Variants in ATRNL1 observed in about 807,000 individuals in gnomAD.
ATRNL1 encodes attractin like 1.
Under a neutral mutation model 182.7 loss-of-function variants are expected in ATRNL1, and 95 were observed. The observed-to-expected ratio is 0.52, with a 90% CI of 0.44 to 0.62. ATRNL1 has a LOEUF of 0.62. Ranked by LOEUF, ATRNL1 falls within the 20% of genes least tolerant of loss-of-function variation. The pLI is 0.00. For synonymous variants in ATRNL1, 576 were observed against 568.3 expected (o/e 1.01, Z -0.19); for missense variants, 1,471 against 1,679.5 (o/e 0.88, Z 2.17).
At chr10:115,728,394 G>GT (rs1323083242) in intron 27 of ATRNL1, among the ~76,000 whole-genome samples, 7 of 148,262 alleles carry the variant, frequency 4.7e-5, no homozygotes, top group Admixed American at 4.7e-4. Context: ...TTAATTGTAT[G>GT]TTTATTACTT....
At chr10:115,883,333 G>A (rs747152334) in intron 28 of ATRNL1, among the ~76,000 whole-genome samples, 1 of 152,240 alleles carries the variant, frequency 6.6e-6, no homozygotes, top group Non-Finnish European at 1.5e-5. Context: ...TTGTGCATAT[G>A]AGTGAATGAG....
chr10:115,384,892 T>C (rs1858246654), intron 19 of ATRNL1, among the ~76,000 whole-genome samples: 1 of 152,106 alleles, frequency 6.6e-6, no homozygotes, highest in South Asian at 2.1e-4. Context: ...TGTCTGGATA[T>C]ACCACATTTT....
intron 26 of ATRNL1, among the ~76,000 whole-genome samples, chr10:115,605,102 A>G (rs775012006): frequency 4.6e-5 from 7 of 152,178 alleles, no homozygotes; most frequent in South Asian, 2.1e-4. Context: ...TACCAAATAC[A>G]GATTATATAT....
chr10:115,930,673 A>T (rs536478338), intron 28 of ATRNL1, among the ~76,000 whole-genome samples: 1 of 152,218 alleles, frequency 6.6e-6, no homozygotes, highest in South Asian at 2.1e-4. Flanking sequence ...AACATTTTTT[A>T]AAATCTCGTA....
chr10:115,110,496 C>T (rs1224950163), intron 1 of ATRNL1, among the ~76,000 whole-genome samples: 3 of 152,156 alleles, frequency 2.0e-5, no homozygotes, highest in Non-Finnish European at 2.9e-5. Context: ...GAACTGAATT[C>T]TACCAACAGT....
At chr10:115,495,713 T>A (rs552883078) in intron 24 of ATRNL1, among the ~76,000 whole-genome samples, 163 of 148,796 alleles carry the variant, frequency 1.1e-3, no homozygotes, top group South Asian at 3.2e-3. Flanking sequence ...TTTTTTTTTT[T>A]AATTTGCTGA....
At chr10:115,510,042 T>G (rs1222402819) in intron 24 of ATRNL1, among the ~76,000 whole-genome samples, 1 of 152,134 alleles carries the variant, frequency 6.6e-6, no homozygotes, top group East Asian at 1.9e-4. Flanking sequence ...GTGGTAGAGA[T>G]AGCATGAGTA....
chr10:115,177,889 G>T (rs1379314818), intron 8 of ATRNL1, among the ~76,000 whole-genome samples: 60 of 112,864 alleles, frequency 5.3e-4, no homozygotes, highest in East Asian at 1.0e-3. Flanking sequence ...TTTTTTTTTT[G>T]GTTTTGTTTT....
chr10:115,675,319 G>A (rs1945826472), intron 26 of ATRNL1, among the ~76,000 whole-genome samples: 1 of 152,058 alleles, frequency 6.6e-6, no homozygotes, highest in Non-Finnish European at 1.5e-5. Context: ...CTATGATTGT[G>A]CGACTGCACA....
At chr10:115,276,892 CTA>C (rs1852129639) in intron 13 of ATRNL1, among the ~76,000 whole-genome samples, 1 of 152,014 alleles carries the variant, frequency 6.6e-6, no homozygotes, top group Admixed American at 6.6e-5. Flanking sequence ...CAATAAATGA[CTA>C]TATTTTTCTT....
chr10:115,384,128 C>G (rs895861075), intron 19 of ATRNL1, among the ~76,000 whole-genome samples: 3 of 151,916 alleles, frequency 2.0e-5, no homozygotes, highest in Non-Finnish European at 4.4e-5. Flanking sequence ...CTAAAAGATG[C>G]AAAACCTATG....
At chr10:115,334,865 A>G (rs1167270900) in intron 19 of ATRNL1, among the ~76,000 whole-genome samples, 1 of 152,130 alleles carries the variant, frequency 6.6e-6, no homozygotes, top group Non-Finnish European at 1.5e-5. Flanking sequence ...TGGGTTTGGA[A>G]CCAAATCTGG....
At chr10:115,758,778 G>T (rs1161455696) in intron 27 of ATRNL1, among the ~76,000 whole-genome samples, 1 of 152,190 alleles carries the variant, frequency 6.6e-6, no homozygotes, top group African/African-American at 2.4e-5. Context: ...AGTGGGCTCC[G>T]CCCAGTTCGA....
At chr10:115,394,982 G>A (rs1337828146) in intron 20 of ATRNL1, among the ~76,000 whole-genome samples, 5 of 152,000 alleles carry the variant, frequency 3.3e-5, no homozygotes, top group Middle Eastern at 3.4e-3. Context: ...ACTGTGCATA[G>A]TACCCAATAG....
At chr10:115,392,085 A>G (rs1274306666) in intron 19 of ATRNL1, among the ~76,000 whole-genome samples, 1 of 152,204 alleles carries the variant, frequency 6.6e-6, no homozygotes, top group Non-Finnish European at 1.5e-5. Context: ...AAGTAGTAGC[A>G]TTAGAAATCT....
intron 19 of ATRNL1, among the ~76,000 whole-genome samples, chr10:115,360,345 T>A (rs935027031): frequency 6.6e-6 from 1 of 151,728 alleles, no homozygotes; most frequent in Non-Finnish European, 1.5e-5. Context: ...TTGACATAAG[T>A]CCATGTGAAA....
intron 27 of ATRNL1, among the ~76,000 whole-genome samples, chr10:115,766,759 T>C (rs1948866448): frequency 6.6e-6 from 1 of 152,218 alleles, no homozygotes; most frequent in Non-Finnish European, 1.5e-5. Context: ...ATCTGTTTTA[T>C]AAATCCTTTC....
intron 26 of ATRNL1, among the ~76,000 whole-genome samples, chr10:115,648,583 C>T (rs1032773188): frequency 6.6e-6 from 1 of 152,128 alleles, no homozygotes; most frequent in South Asian, 2.1e-4. Context: ...ACCAAAACAG[C>T]GTGGTACTGG....
chr10:115,349,315 G>A (rs528389436), intron 19 of ATRNL1, among the ~76,000 whole-genome samples: 37 of 152,240 alleles, frequency 2.4e-4, no homozygotes, highest in African/African-American at 8.9e-4. Context: ...GTGGAATAAT[G>A]TTCCATTTGT....
Sources: gnomAD v4.1 joint callset for allele counts (sites outside exome capture counted in the v4.1 genomes callset) on GRCh38, gnomAD v4.1.1 for gene constraint, MANE v1.5 for transcripts, NCBI Gene and HGNC (gene_info 2026-07-23, HGNC 2026-07-21) for gene names.